The following SNTG1 variants were observed in gnomAD, a reference collection of about 807,000 sequenced individuals.
The protein encoded by SNTG1 is gamma-1-syntrophin.
In SNTG1, 39 loss-of-function variants were observed where a neutral mutation model predicts 74.7. The ratio of observed to expected loss-of-function variants is 0.52; its 90% CI spans 0.40 to 0.68. SNTG1 has a LOEUF of 0.68. Ranked by LOEUF, SNTG1 falls within the 30% of genes least tolerant of loss-of-function variation. The pLI is 0.00. For synonymous variants in SNTG1, 254 were observed against 217.1 expected, an observed-to-expected ratio of 1.17 and a Z score of -1.49; for missense variants, 685 against 609.5, an observed-to-expected ratio of 1.12 and a Z score of -1.30.
At chr8:50,114,500 G>A (rs2080734788) in intron 1 of SNTG1, among the ~76,000 whole-genome samples, 1 of 152,172 alleles carries the variant, frequency 6.6e-6, no homozygotes, top group Non-Finnish European at 1.5e-5. Flanking sequence ...CAGCATGTCA[G>A]AAGGTAGTTG....
intron 1 of SNTG1, among the ~76,000 whole-genome samples, chr8:49,938,647 C>CCT (rs148513656): frequency 9.0e-6 from 1 of 110,742 alleles, no homozygotes; most frequent in East Asian, 2.7e-4. Flanking sequence ...TTCTTTCCTT[C>CCT]CTCTCTCTCT....
chr8:50,615,792 AGGAAACAGACACCACATCTGG>A (rs1469883312), intron 13 of SNTG1, among the ~76,000 whole-genome samples: 11 of 152,244 alleles, frequency 7.2e-5, no homozygotes, highest in Non-Finnish European at 1.6e-4. Flanking sequence ...TAGCAGCTGT[AGGAAACAGACACCACATCTGG>A]GGCTGCAAAG....
intron 1 of SNTG1, among the ~76,000 whole-genome samples, chr8:50,087,710 TAGAC>T (rs1207307090): frequency 5.3e-5 from 8 of 152,138 alleles, no homozygotes; most frequent in Admixed American, 2.0e-4. Flanking sequence ...TGTAAACAAT[TAGAC>T]AGACAACTAT....
At chr8:50,165,664 C>A (rs2082588337) in intron 1 of SNTG1, among the ~76,000 whole-genome samples, 1 of 152,172 alleles carries the variant, frequency 6.6e-6, no homozygotes, top group South Asian at 2.1e-4. Context: ...TATTTTCCTT[C>A]TTCAGTGATT....
At chr8:50,259,580 A>G (rs2087077416) in intron 2 of SNTG1, among the ~76,000 whole-genome samples, 1 of 150,444 alleles carries the variant, frequency 6.6e-6, no homozygotes, top group Non-Finnish European at 1.5e-5. Context: ...AAGAGAAAAT[A>G]AAGAAGAAAA....
At chr8:50,265,156 T>C (rs995579533) in intron 2 of SNTG1, among the ~76,000 whole-genome samples, 1 of 152,086 alleles carries the variant, frequency 6.6e-6, no homozygotes, top group Non-Finnish European at 1.5e-5. Flanking sequence ...CACAATATCA[T>C]AACCATAAAA....
chr8:50,083,163 G>A (rs1261932760), intron 1 of SNTG1, among the ~76,000 whole-genome samples: 1 of 152,132 alleles, frequency 6.6e-6, no homozygotes, highest in Admixed American at 6.5e-5. Context: ...ACTATTCTTA[G>A]CTGAAATTCA....
chr8:50,352,953 C>A (rs1011718573), intron 2 of SNTG1, among the ~76,000 whole-genome samples: 4 of 152,100 alleles, frequency 2.6e-5, no homozygotes, highest in Non-Finnish European at 5.9e-5. Context: ...GACACACACA[C>A]ACGTATGTTT....
chr8:50,110,820 TA>T (rs2131300140), intron 1 of SNTG1, among the ~76,000 whole-genome samples: 1 of 152,272 alleles, frequency 6.6e-6, no homozygotes, highest in Non-Finnish European at 1.5e-5. Flanking sequence ...AAATTTTATG[TA>T]CAAAAATTGG....
intron 2 of SNTG1, among the ~76,000 whole-genome samples, chr8:50,390,500 C>T (rs1435226184): frequency 6.6e-6 from 1 of 152,158 alleles, no homozygotes; most frequent in Admixed American, 6.5e-5. Context: ...AGTCAGGTAG[C>T]TTGATGCCTC....
At chr8:50,511,612 A>G (rs543762182) in intron 9 of SNTG1, among the ~76,000 whole-genome samples, 101 of 152,308 alleles carry the variant, frequency 6.6e-4, no homozygotes, top group African/African-American at 2.4e-3. Flanking sequence ...TATTCAGTCC[A>G]TGCATATTTA....
chr8:50,683,981 G>C (rs1412376525), intron 15 of SNTG1, among the ~76,000 whole-genome samples: 2 of 152,264 alleles, frequency 1.3e-5, no homozygotes, highest in East Asian at 3.9e-4. Flanking sequence ...TGAGGATAAA[G>C]TTTTCAAAAA....
At chr8:50,341,354 A>C (rs1162187780) in intron 2 of SNTG1, among the ~76,000 whole-genome samples, 2 of 151,902 alleles carry the variant, frequency 1.3e-5, no homozygotes, top group African/African-American at 4.8e-5. Flanking sequence ...TTGTTCCACA[A>C]ATGGTACTTT....
intron 15 of SNTG1, among the ~76,000 whole-genome samples, chr8:50,673,108 C>G (rs766319534): frequency 6.6e-6 from 1 of 152,102 alleles, no homozygotes; most frequent in Non-Finnish European, 1.5e-5. Flanking sequence ...AGTCAGGCAG[C>G]CTGATGCCTC....
At chr8:50,782,975 C>G (rs2095664294) in intron 18 of SNTG1, among the ~76,000 whole-genome samples, 1 of 152,188 alleles carries the variant, frequency 6.6e-6, no homozygotes. Context: ...CCACCCCAGA[C>G]CCTGTTTGCC....
chr8:49,980,383 C>G (rs1190684849), intron 1 of SNTG1, among the ~76,000 whole-genome samples: 1 of 151,944 alleles, frequency 6.6e-6, no homozygotes, highest in Non-Finnish European at 1.5e-5. Context: ...GCCCTGAGCT[C>G]TCCTGACTTG....
intron 9 of SNTG1, among the ~76,000 whole-genome samples, chr8:50,522,907 T>G (rs1377303421): frequency 1.3e-5 from 2 of 152,162 alleles, no homozygotes; most frequent in Non-Finnish European, 2.9e-5. Context: ...AAGTCTTAGA[T>G]GTCATCTTCT....
chr8:50,307,241 G>A (rs1268895838), intron 2 of SNTG1, among the ~76,000 whole-genome samples: 1 of 151,980 alleles, frequency 6.6e-6, no homozygotes, highest in Non-Finnish European at 1.5e-5. Context: ...ATGTATGCAG[G>A]AGACTAATGG....
At chr8:50,470,317 C>T (rs901117731) in intron 8 of SNTG1, among the ~76,000 whole-genome samples, 1 of 152,162 alleles carries the variant, frequency 6.6e-6, no homozygotes, top group African/African-American at 2.4e-5. Context: ...ACATTGTGTC[C>T]AGAATTGGTT....
Sources: allele counts gnomAD v4.1 joint callset (sites outside exome capture counted in the v4.1 genomes callset), GRCh38; gene constraint gnomAD v4.1.1; transcripts MANE v1.5; gene names NCBI Gene and HGNC (gene_info 2026-07-23, HGNC 2026-07-21).